CUL1: variants seen among roughly 807,000 people sequenced by gnomAD.
CUL1 encodes cullin 1, also known as cullin-1.
A neutral mutation model predicts 118.0 loss-of-function variants in CUL1; 24 were observed. The observed-to-expected ratio is 0.20, with a 90% CI of 0.15 to 0.29. The LOEUF (loss-of-function observed/expected upper bound fraction) is 0.29, where lower values mean the gene tolerates loss of function less well. Among genes scored for constraint, CUL1 ranks in the 10% least tolerant of loss-of-function variants. The pLI is 1.00. For missense variants in CUL1, 361 were observed against 933.8 expected (o/e 0.39, Z 7.99); for synonymous variants, 332 against 340.4 (o/e 0.98, Z 0.27).
chr7:148,720,468 G>T (rs1798363664), intron 1 of CUL1, among the ~76,000 whole-genome samples: 1 of 152,168 alleles, frequency 6.6e-6, no homozygotes, highest in African/African-American at 2.4e-5. Context: ...GAGTGAGTTT[G>T]AAGGGAGAGA....
At chr7:148,763,125 C>T (rs1385879601) in intron 7 of CUL1, among the ~76,000 whole-genome samples, 1 of 150,818 alleles carries the variant, frequency 6.6e-6, no homozygotes, top group Non-Finnish European at 1.5e-5. Flanking sequence ...CCAGCCTGGG[C>T]AACAGAGTGA....
chr7:148,744,397 A>AGTGTGTGT (rs56093418), intron 2 of CUL1, among the ~76,000 whole-genome samples: 69 of 144,082 alleles, frequency 4.8e-4, no homozygotes, highest in Admixed American at 1.6e-3. Context: ...TTGTTTCTGC[A>AGTGTGTGT]GTGTGTGTGT....
At chr7:148,788,306 G>A (rs1324017800) in intron 13 of CUL1, among the ~76,000 whole-genome samples, 1 of 152,210 alleles carries the variant, frequency 6.6e-6, no homozygotes, top group Non-Finnish European at 1.5e-5. Context: ...GCTCTTAAAT[G>A]CTCACAAATT....
In CUL1 at chr7:148,719,316, A is replaced by T. The variant is rs7809818; in HGVS notation, c.-161-10646A>T. Among the ~76,000 whole-genome samples the T allele has an allele frequency of 8.6e-3, 1,311 of 152,242 alleles. 9 individuals carry two copies. Among genetic ancestry groups the T allele is most frequent in the South Asian group, 0.024 (114 of 4,826 alleles). ...ACAGAGCGAGACTTCGTCAAAAAAA[A>T]AAAATAAAATAACTTAGCTACTGTC... On this transcript the variant is annotated intron_variant, in intron 1 of 21. Coordinates refer to ENST00000325222, the MANE Select transcript of CUL1 (RefSeq NM_003592.3).
chr7:148,789,830 A>G lies in CUL1; in HGVS notation c.1674+4A>G. ...TACATTTGCCTTGCCGTCAGAGGTA[A>G]GGATGGGTTTGTCTGCCATCCCATT... is the stretch of plus-strand genomic sequence containing the variant. On this transcript the variant is annotated splice_donor_region_variant and intron_variant, in intron 15 of 21. Coordinates refer to ENST00000325222, the MANE Select transcript of CUL1 (RefSeq NM_003592.3). The G allele has an allele frequency of 6.2e-7, 1 of 1,613,944 alleles. No individual in the cohort carries two copies. Among genetic ancestry groups the G allele is most frequent in the Non-Finnish European group, 8.5e-7 (1 of 1,179,874 alleles).
intron 17 of CUL1, among the ~76,000 whole-genome samples, chr7:148,796,901 C>T (rs548878625): frequency 1.3e-5 from 2 of 152,296 alleles, no homozygotes; most frequent in South Asian, 4.1e-4. Context: ...AGAGGCCTCT[C>T]GCTTTGACAG....
intron 16 of CUL1, among the ~76,000 whole-genome samples, chr7:148,791,670 G>A (rs1801013998): frequency 6.6e-6 from 1 of 152,258 alleles, no homozygotes; most frequent in African/African-American, 2.4e-5. Flanking sequence ...TGGAAGCAGT[G>A]TTGTCTGTGG....
Position 148,787,216 on chromosome 7 carries a change from A to G in CUL1, c.1479+96A>G. ...GGTGGCTCATGCCTGTAATCCCAGCACTTTGGGAGGCCGAGGCGGGCAGAT... is the reference window on the plus strand; with the variant it reads ...GGTGGCTCATGCCTGTAATCCCAGCGCTTTGGGAGGCCGAGGCGGGCAGAT... On this transcript the variant is annotated intron_variant, in intron 13 of 21. Coordinates refer to ENST00000325222, the MANE Select transcript of CUL1 (RefSeq NM_003592.3). This position sits in a 1 kb window ranked among gnomAD's most constrained non-coding sequence, Gnocchi z 5.5. 9.2e-6 allele frequency: 12 copies of G among 1,309,014 alleles called. No homozygotes were observed. Among genetic ancestry groups the G allele is most frequent in the Non-Finnish European group, 1.3e-5 (12 of 949,726 alleles). 81.1% of individuals were successfully genotyped at this position (1,309,014 alleles called of 1,614,324 possible). A position where few individuals can be genotyped will look rare whatever the true frequency, so the allele number is the denominator to read the frequency against.
At chr7:148,783,688 G>GA in intron 9 of CUL1, 95 bp from the exon 10 acceptor site, 1 of 1,575,918 alleles carries the variant, frequency 6.3e-7, no homozygotes, top group Non-Finnish European at 8.7e-7. Context: ...ATAGCTTTTA[G>GA]AATATTTTGT....
At chr7:148,727,400 A>C (rs1798621137) in intron 1 of CUL1, among the ~76,000 whole-genome samples, 3 of 152,202 alleles carry the variant, frequency 2.0e-5, no homozygotes, top group African/African-American at 7.2e-5. Context: ...TTTTATTCCT[A>C]AATCTTTTTA....
At chr7:148,767,270 G>T (rs1350284066) in intron 8 of CUL1, among the ~76,000 whole-genome samples, 1 of 151,286 alleles carries the variant, frequency 6.6e-6, no homozygotes, top group African/African-American at 2.4e-5. Context: ...TTATGTGTCA[G>T]GCATAAATAC....
intron 17 of CUL1, among the ~76,000 whole-genome samples, chr7:148,795,854 A>T (rs916783540): frequency 6.6e-6 from 1 of 151,770 alleles, no homozygotes; most frequent in Non-Finnish European, 1.5e-5. Context: ...ATTAGCTCTA[A>T]TTTATTAGCT....
chr7:148,755,823 C>G (rs1238050730), intron 3 of CUL1, among the ~76,000 whole-genome samples: 1 of 152,172 alleles, frequency 6.6e-6, no homozygotes, highest in Non-Finnish European at 1.5e-5. Context: ...CCGGTTTTTA[C>G]ATGGCTTGTT....
At chr7:148,772,914 T>G (rs192960609) in intron 9 of CUL1, among the ~76,000 whole-genome samples, 127 of 152,208 alleles carry the variant, frequency 8.3e-4, no homozygotes, top group Middle Eastern at 3.4e-3. Context: ...TCCTCTGTCT[T>G]CTGGGATGAG....
intron 1 of CUL1, among the ~76,000 whole-genome samples, chr7:148,707,523 A>G (rs1449309935): frequency 6.6e-6 from 1 of 151,838 alleles, no homozygotes; most frequent in Admixed American, 6.6e-5. Flanking sequence ...TTTAAGTTTC[A>G]GGGTACCACA....
chr7:148,747,078 A>G (rs538586263), intron 2 of CUL1, among the ~76,000 whole-genome samples: 1 of 152,342 alleles, frequency 6.6e-6, no homozygotes. Flanking sequence ...TTGCTGTATC[A>G]AAAGGAATGC....
At chr7:148,766,531 A>C (rs776270688) in intron 7 of CUL1, 30 bp from the exon 8 acceptor site, 41 of 1,572,812 alleles carry the variant, frequency 2.6e-5, no homozygotes, top group Non-Finnish European at 3.4e-5. Context: ...CAATGAATCA[A>C]AACCATTCAC....
At chr7:148,724,248 T>G (rs1288882896) in intron 1 of CUL1, among the ~76,000 whole-genome samples, 2 of 152,220 alleles carry the variant, frequency 1.3e-5, no homozygotes, top group Non-Finnish European at 2.9e-5. Context: ...TAGTTCACAG[T>G]TGGAATTGTT....
intron 2 of CUL1, among the ~76,000 whole-genome samples, chr7:148,739,989 C>CT (rs1799089245): frequency 6.6e-6 from 1 of 151,580 alleles, no homozygotes; most frequent in African/African-American, 2.4e-5. Flanking sequence ...CCTCAATGGA[C>CT]TGTCAACTTC....
Sources: allele counts gnomAD v4.1 joint callset (sites outside exome capture counted in the v4.1 genomes callset), GRCh38; gene constraint gnomAD v4.1.1; non-coding constraint Gnocchi (gnomAD v3.1); transcripts MANE v1.5; gene names NCBI Gene and HGNC (gene_info 2026-07-23, HGNC 2026-07-21).